ADGRL3: variants seen among roughly 807,000 people sequenced by gnomAD.
ADGRL3 encodes the protein calcium-independent alpha-latrotoxin receptor 3.
A neutral mutation model predicts 153.5 loss-of-function variants in ADGRL3; 62 were observed. The ratio of observed to expected loss-of-function variants is 0.40; its 90% CI spans 0.33 to 0.50. ADGRL3 has a LOEUF of 0.50. Ranked by LOEUF, ADGRL3 falls within the 20% of genes least tolerant of loss-of-function variation. The pLI is 0.47. For missense variants in ADGRL3, 1,641 were observed against 1,859.4 expected, an observed-to-expected ratio of 0.88 and a Z score of 2.16; for synonymous variants, 710 against 672.5, an observed-to-expected ratio of 1.06 and a Z score of -0.86.
intron 8 of ADGRL3, among the ~76,000 whole-genome samples, chr4:61,769,505 C>T: frequency 6.6e-6 from 1 of 151,802 alleles, no homozygotes; most frequent in Non-Finnish European, 1.5e-5. Flanking sequence ...ATTGATCTCC[C>T]AAGGGAGGTC....
At chr4:61,869,874 G>A (rs1334986146) in intron 9 of ADGRL3, among the ~76,000 whole-genome samples, 1 of 143,766 alleles carries the variant, frequency 7.0e-6, no homozygotes, top group East Asian at 2.1e-4. Flanking sequence ...GGAGGCGGAG[G>A]TTGTGGTGAG....
In ADGRL3 at chr4:61,392,684, C is replaced by CAAA. The variant is rs397993633; in HGVS notation, c.-174+9515_-174+9517dup. On this transcript the variant is annotated intron_variant, in intron 2 of 26. Transcript: ENST00000683033. ...CTGGTGACAGAGCGAGACTCCATCT[C>CAAA]AAAAAAAAAAAAAAAAAAAAAAGAA... 2.8e-3 allele frequency among the ~76,000 whole-genome samples: 38 copies of CAAA among 13,370 alleles called. 4 individuals are homozygous for CAAA. The highest frequency in any genetic ancestry group is 0.027 in the East Asian group (11 of 402). The allele number at this position is 13,370 out of a possible 152,430, so 8.8% of individuals were successfully genotyped here. A position where few individuals can be genotyped will look rare whatever the true frequency, so the allele number is the denominator to read the frequency against.
At chr4:61,356,407 A>G (rs1027560326) in intron 1 of ADGRL3, among the ~76,000 whole-genome samples, 2 of 152,058 alleles carry the variant, frequency 1.3e-5, no homozygotes, top group Non-Finnish European at 2.9e-5. Flanking sequence ...TTTCAGTAAA[A>G]GTGATTCTAG....
chr4:61,646,257 G>T (rs957724982), intron 5 of ADGRL3, among the ~76,000 whole-genome samples: 2 of 152,048 alleles, frequency 1.3e-5, no homozygotes, highest in Non-Finnish European at 2.9e-5. Flanking sequence ...GGAGTAATTT[G>T]ATCGTCTGAA....
chr4:61,968,772 C>T (rs1240484049), intron 17 of ADGRL3, among the ~76,000 whole-genome samples: 1 of 152,140 alleles, frequency 6.6e-6, no homozygotes, highest in Non-Finnish European at 1.5e-5. Flanking sequence ...TAGGTAAGAA[C>T]TGTTCATTTT....
intron 2 of ADGRL3, among the ~76,000 whole-genome samples, chr4:61,469,626 T>A (rs2097921592): frequency 6.6e-6 from 1 of 152,098 alleles, no homozygotes; most frequent in South Asian, 2.1e-4. Flanking sequence ...CATTTTATTC[T>A]TTGTTGTAAA....
intron 1 of ADGRL3, among the ~76,000 whole-genome samples, chr4:61,377,562 A>G (rs2096618527): frequency 6.6e-6 from 1 of 152,100 alleles, no homozygotes; most frequent in African/African-American, 2.4e-5. Context: ...CATGTTAAAA[A>G]TGAAAATGCT....
intron 5 of ADGRL3, among the ~76,000 whole-genome samples, chr4:61,675,374 T>C (rs1053380079): frequency 1.3e-5 from 2 of 151,910 alleles, no homozygotes; most frequent in Non-Finnish European, 1.5e-5. Context: ...TCTCATATTA[T>C]AGACTTAGTG....
intron 5 of ADGRL3, among the ~76,000 whole-genome samples, chr4:61,647,878 A>T (rs1202722620): frequency 6.6e-6 from 1 of 152,086 alleles, no homozygotes; most frequent in East Asian, 1.9e-4. Context: ...CCTCTCAGAT[A>T]TTGGATATTA....
At position 61,576,671 on chromosome 4, in the gene ADGRL3, A is replaced by T. The variant is rs558013381; in HGVS notation, c.260-10556A>T. The stretch of plus-strand genomic sequence containing the variant: ...TTCACTGGAAATAAAATAAAGAATA[A>T]TCATTTGATTTTTGTAAGCAGCATA... On this transcript the variant is annotated intron_variant, in intron 4 of 26. Transcript: ENST00000683033. 3.3e-5 allele frequency among the ~76,000 whole-genome samples: 5 copies of T among 150,986 alleles called. No homozygotes were observed. In the South Asian group the frequency reaches 1.1e-3, roughly 32 times the overall value.
At chr4:61,297,496 C>CA (rs750174492) in intron 1 of ADGRL3, among the ~76,000 whole-genome samples, 14 of 151,888 alleles carry the variant, frequency 9.2e-5, no homozygotes, top group Non-Finnish European at 1.9e-4. Flanking sequence ...TAAAAATGTG[C>CA]ATTATTTTTA....
chr4:61,586,675 A>T (rs2098947886), intron 4 of ADGRL3, among the ~76,000 whole-genome samples: 1 of 152,018 alleles, frequency 6.6e-6, no homozygotes, highest in Admixed American at 6.6e-5. Flanking sequence ...GGAAAATATA[A>T]CTTTTCCTCC....
intron 9 of ADGRL3, among the ~76,000 whole-genome samples, chr4:61,828,369 T>C (rs185213317): frequency 6.6e-6 from 1 of 152,284 alleles, no homozygotes; most frequent in East Asian, 1.9e-4. Flanking sequence ...CTTGTAGTTC[T>C]GATTTGCTAA....
chr4:61,551,061 T>G (rs1046738435), intron 4 of ADGRL3, among the ~76,000 whole-genome samples: 3 of 152,082 alleles, frequency 2.0e-5, no homozygotes, highest in African/African-American at 7.2e-5. Flanking sequence ...TGGTAGCTAT[T>G]TTTTCTTTTC....
chr4:61,670,577 G>A (rs1361768161), intron 5 of ADGRL3, among the ~76,000 whole-genome samples: 1 of 152,040 alleles, frequency 6.6e-6, no homozygotes, highest in Admixed American at 6.6e-5. Flanking sequence ...TGACCAAGAA[G>A]AATAAGGCAT....
chr4:61,403,220 G>A (rs1374975951), intron 2 of ADGRL3, among the ~76,000 whole-genome samples: 1 of 151,996 alleles, frequency 6.6e-6, no homozygotes, highest in African/African-American at 2.4e-5. Flanking sequence ...TCTCTGAAGT[G>A]GCAAATGTCT....
At chr4:61,959,371 T>G (rs953226939) in intron 17 of ADGRL3, among the ~76,000 whole-genome samples, 3 of 152,212 alleles carry the variant, frequency 2.0e-5, no homozygotes, top group Non-Finnish European at 4.4e-5. Flanking sequence ...CTGCCTACTC[T>G]CTCCTGTCAA....
intron 2 of ADGRL3, among the ~76,000 whole-genome samples, chr4:61,413,008 G>T (rs946480815): frequency 6.6e-6 from 1 of 152,148 alleles, no homozygotes; most frequent in Non-Finnish European, 1.5e-5. Flanking sequence ...GATGATCTGT[G>T]TATTAGGTTA....
At chr4:61,892,265 A>G (rs899881529) in intron 9 of ADGRL3, among the ~76,000 whole-genome samples, 3 of 151,424 alleles carry the variant, frequency 2.0e-5, no homozygotes, top group African/African-American at 7.3e-5. Flanking sequence ...AATTTTATAT[A>G]TAGTTCTCCC....
Sources: gnomAD v4.1 joint callset for allele counts (sites outside exome capture counted in the v4.1 genomes callset) on GRCh38, gnomAD v4.1.1 for gene constraint, MANE v1.5 for transcripts, NCBI Gene and HGNC (gene_info 2026-07-23, HGNC 2026-07-21) for gene names.